TMEM41B: variants seen among roughly 807,000 people sequenced by gnomAD.
TMEM41B encodes protein stasimon.
TMEM41B carries 18 observed loss-of-function variants against 31.9 expected under a neutral mutation model. That is an observed-to-expected ratio of 0.56 (90% CI 0.39 to 0.84). The LOEUF is 0.84. Ranked by LOEUF, TMEM41B falls within the 40% of genes least tolerant of loss-of-function variation. TMEM41B has a pLI of 0.00. For synonymous variants in TMEM41B, 144 were observed against 124.3 expected (o/e 1.16, Z -1.05); for missense variants, 322 against 348.0 (o/e 0.93, Z 0.59).
rs1381593827 is a variant in TMEM41B at position 9,286,607 on chromosome 11, G to T, written c.568-14C>A. The T allele has an allele frequency of 1.3e-6, 2 of 1,584,470 alleles. No homozygotes were observed. Among genetic ancestry groups the T allele is most frequent in the African/African-American group, 2.7e-5 (2 of 73,172 alleles). ...ATGACGTTCAACCTGTCATAAGAAA[G>T]AAAAGAATTAGCATCAGATGAGGAC... On this transcript the variant is annotated splice_polypyrimidine_tract_variant and intron_variant, in intron 5 of 6. Transcript: ENST00000528080.
At chr11:9,293,049 T>C (rs1474057068) in intron 3 of TMEM41B, among the ~76,000 whole-genome samples, 5 of 152,208 alleles carry the variant, frequency 3.3e-5, no homozygotes, top group Admixed American at 6.6e-5. Flanking sequence ...AAGTCAAACC[T>C]ACGCTAAGAA....
chr11:9,291,534 T>C (rs920719451), intron 3 of TMEM41B, among the ~76,000 whole-genome samples: 1 of 151,260 alleles, frequency 6.6e-6, no homozygotes, highest in African/African-American at 2.4e-5. Context: ...CCCGAGTAGC[T>C]TGGATTACAA....
intron 1 of TMEM41B, among the ~76,000 whole-genome samples, chr11:9,308,204 G>A (rs931611847): frequency 6.6e-6 from 1 of 152,088 alleles, no homozygotes; most frequent in Non-Finnish European, 1.5e-5. Flanking sequence ...TTAGTTGGGC[G>A]TGGTGGTATG....
Position 9,309,628 on chromosome 11 carries a change from G to A in TMEM41B, c.121+4693C>T, listed in dbSNP as rs75895557. Among the ~76,000 whole-genome samples, 1,345 of 151,640 alleles carry A rather than the reference G, an allele frequency of 8.9e-3. 16 individuals are homozygous for A. The highest frequency in any genetic ancestry group is 0.031 in the African/African-American group (1,290 of 41,456). On this transcript the variant is annotated intron_variant, in intron 1 of 6. Coordinates refer to ENST00000528080, the MANE Select transcript of TMEM41B (RefSeq NM_015012.4). ...CCAGGGATCTGGATTATCCAAGTCA[G>A]AACAATATTGTCAGCCAGGCGCAGT...
chr11:9,283,403 C>A lies in TMEM41B; in HGVS notation c.*21G>T. Reference sequence around the variant, plus strand: ...TCCTGAGATGGTGATGACAGCAAAACTAAAAATCAGATGATTATTTTTACT... The same window carrying A: ...TCCTGAGATGGTGATGACAGCAAAAATAAAAATCAGATGATTATTTTTACT... On this transcript the variant is annotated 3_prime_UTR_variant, in exon 7 of 7. Coordinates refer to ENST00000528080, the MANE Select transcript of TMEM41B (RefSeq NM_015012.4). The A allele has an allele frequency of 6.3e-7, 1 of 1,591,386 alleles. No individual in the cohort carries two copies. Among genetic ancestry groups the A allele is most frequent in the Non-Finnish European group, 8.6e-7 (1 of 1,167,998 alleles).
At position 9,288,484 on chromosome 11, in the gene TMEM41B, C is replaced by T. The variant is rs2133612861; in HGVS notation, c.420G>A (p.Gly140=). ...AGGCTAGTGGAAAGGGATAAAGAAACCCTGAGAGTATACTGAGAAATATAG... is the reference window on the plus strand; with the variant it reads ...AGGCTAGTGGAAAGGGATAAAGAAATCCTGAGAGTATACTGAGAAATATAG... ...PGSIFLSILS[G]FLYPFPLALF... The change falls in exon 4 of 7, where the codon GGG becomes GGA. Residue 140 remains glycine, a synonymous_variant. Coordinates refer to ENST00000528080, the MANE Select transcript of TMEM41B (RefSeq NM_015012.4). The T allele has an allele frequency of 6.3e-7, 1 of 1,595,996 alleles. No homozygotes were observed. Among genetic ancestry groups the T allele is most frequent in the Middle Eastern group, 1.7e-4 (1 of 5,940 alleles).
At chr11:9,311,856 T>C (rs1853569793) in intron 1 of TMEM41B, among the ~76,000 whole-genome samples, 1 of 152,200 alleles carries the variant, frequency 6.6e-6, no homozygotes, top group South Asian at 2.1e-4. Context: ...GTCCACAGTC[T>C]ACTAGGCTTA....
chr11:9,308,422 T>C (rs1355360828), intron 1 of TMEM41B, among the ~76,000 whole-genome samples: 1 of 152,168 alleles, frequency 6.6e-6, no homozygotes, highest in Admixed American at 6.5e-5. Flanking sequence ...TCCTTGCCTT[T>C]TTCTTCCATG....
At chr11:9,302,173 A>ATT (rs201405393) in intron 1 of TMEM41B, among the ~76,000 whole-genome samples, 4 of 91,048 alleles carry the variant, frequency 4.4e-5, no homozygotes, top group Admixed American at 1.1e-4. Context: ...TGCCCGGCTA[A>ATT]TTTTTTTTTG....
At chr11:9,305,517 T>G (rs1197047862) in intron 1 of TMEM41B, among the ~76,000 whole-genome samples, 1 of 152,162 alleles carries the variant, frequency 6.6e-6, no homozygotes, top group Non-Finnish European at 1.5e-5. Flanking sequence ...CAAGAATTGC[T>G]GGAACCTGGG....
intron 3 of TMEM41B, among the ~76,000 whole-genome samples, chr11:9,294,103 C>T (rs1227082233): frequency 6.9e-6 from 1 of 144,620 alleles, no homozygotes; most frequent in East Asian, 2.1e-4. Flanking sequence ...ATCACTTGAG[C>T]CCAGGAGGCT....
chr11:9,303,899 G>A (rs965486682), intron 1 of TMEM41B, among the ~76,000 whole-genome samples: 2 of 151,920 alleles, frequency 1.3e-5, no homozygotes, highest in Non-Finnish European at 1.5e-5. Flanking sequence ...AACTCCTGAC[G>A]TCAGGTGATC....
At chr11:9,293,817 C>T (rs906206767) in intron 3 of TMEM41B, among the ~76,000 whole-genome samples, 3 of 151,974 alleles carry the variant, frequency 2.0e-5, no homozygotes, top group Non-Finnish European at 2.9e-5. Flanking sequence ...CCTGACCTCA[C>T]GTGATTCACC....
rs571345376 is a variant in TMEM41B, at chr11:9,306,685, C to T, written c.122-6984G>A. On this transcript the variant is annotated intron_variant, in intron 1 of 6. Transcript: ENST00000528080. ...TGGGCGATAGAGCGAGACTCCGTCT[C>T]AAAAAAAAAAAGAAAGCCAGAATCA... Among the ~76,000 whole-genome samples the T allele has an allele frequency of 1.9e-3, 273 of 144,044 alleles. 2 individuals are homozygous for T. Among genetic ancestry groups the T allele is most frequent in the African/African-American group, 6.7e-3 (261 of 39,126 alleles). The allele number at this position is 144,044 out of a possible 152,430, so 94.5% of individuals were successfully genotyped here.
intron 1 of TMEM41B, among the ~76,000 whole-genome samples, chr11:9,307,122 A>G (rs1430045156): frequency 6.6e-6 from 1 of 152,158 alleles, no homozygotes; most frequent in Non-Finnish European, 1.5e-5. Context: ...TAGCTCCATA[A>G]TTCTCCTACT....
At chr11:9,283,818 C>T (rs1852776304) in intron 6 of TMEM41B, among the ~76,000 whole-genome samples, 1 of 149,316 alleles carries the variant, frequency 6.7e-6, no homozygotes, top group Non-Finnish European at 1.5e-5. Context: ...GAGTTTCGCT[C>T]TTGTTGCCCC....
At chr11:9,292,908 C>T (rs543958547) in intron 3 of TMEM41B, among the ~76,000 whole-genome samples, 17 of 152,296 alleles carry the variant, frequency 1.1e-4, no homozygotes, top group African/African-American at 3.4e-4. Flanking sequence ...TTCTCCACAT[C>T]CTTGCCAACA....
rs138308297 is a variant in TMEM41B, at chr11:9,296,186, T to A, written c.240-799A>T. Among the ~76,000 whole-genome samples the A allele has an allele frequency of 3.9e-5, 6 of 152,218 alleles. No individual in the cohort carries two copies. The East Asian group carries it at 1.2e-3, about 29-fold the overall frequency. ...ATTATTTTTTAATGCTTTAATATAA[T>A]TTCATGAGACAGGCAATTTTTTCTT... On this transcript the variant is annotated intron_variant, in intron 2 of 6. Coordinates refer to ENST00000528080, the MANE Select transcript of TMEM41B (RefSeq NM_015012.4).
In TMEM41B at chr11:9,302,030, G is replaced by A. The variant is rs545424315; in HGVS notation, c.122-2329C>T. 7.9e-5 allele frequency among the ~76,000 whole-genome samples: 11 copies of A among 139,234 alleles called. No individual in the cohort carries two copies. In the East Asian group the frequency reaches 2.1e-3, roughly 26 times the overall value. 91.3% of individuals were successfully genotyped at this position (139,234 alleles called of 152,430 possible). A position where few individuals can be genotyped will look rare whatever the true frequency, so the allele number is the denominator to read the frequency against. On this transcript the variant is annotated intron_variant, in intron 1 of 6. Coordinates refer to ENST00000528080, the MANE Select transcript of TMEM41B (RefSeq NM_015012.4). ...CGGTTTTTTTTTTTTTTTTTGAGAC[G>A]GAGTCCTGCTCAGTCGCCCAGGCTG...
Sources: gnomAD v4.1 joint callset for allele counts (sites outside exome capture counted in the v4.1 genomes callset) on GRCh38, gnomAD v4.1.1 for gene constraint, MANE v1.5 for transcripts, NCBI Gene and HGNC (gene_info 2026-07-23, HGNC 2026-07-21) for gene names.